KIRREL3: variants seen among roughly 807,000 people sequenced by gnomAD.
The protein encoded by KIRREL3 is kin of IRRE-like protein 3.
KIRREL3 carries 36 observed loss-of-function variants against 89.7 expected under a neutral mutation model. The observed-to-expected ratio is 0.40, with a 90% CI of 0.31 to 0.53. The LOEUF (loss-of-function observed/expected upper bound fraction) is 0.53. Ranked by LOEUF, KIRREL3 falls within the 20% of genes least tolerant of loss-of-function variation. KIRREL3 has a pLI of 0.49. For missense variants in KIRREL3, 864 were observed against 1,056.6 expected (o/e 0.82, Z 2.53); for synonymous variants, 445 against 441.4 (o/e 1.01, Z -0.10).
intron 1 of KIRREL3, among the ~76,000 whole-genome samples, chr11:126,582,200 G>A (rs1341262376): frequency 3.9e-5 from 6 of 152,154 alleles, no homozygotes; most frequent in Admixed American, 1.3e-4. Context: ...TCTCTCAAGC[G>A]AGGGGCATAC....
At chr11:127,000,840 A>T, upstream of KIRREL3, 1 of 447,470 alleles carries the variant, frequency 2.2e-6, no homozygotes. The surrounding 1 kb of genome is among the most constrained non-coding windows in gnomAD (Gnocchi z 7.1). Flanking sequence ...CGAGCTAGTG[A>T]CGAGTGACAG....
chr11:126,706,610 T>A (rs1947537249), intron 1 of KIRREL3, among the ~76,000 whole-genome samples: 1 of 152,250 alleles, frequency 6.6e-6, no homozygotes, highest in Admixed American at 6.5e-5. Flanking sequence ...ATGTGCCTGA[T>A]TCCCCACTTC....
At position 126,641,079 on chromosome 11, in the gene KIRREL3, C is replaced by T. The variant is rs752256403; in HGVS notation, c.56-78167G>A. Among the ~76,000 whole-genome samples the T allele has an allele frequency of 8.5e-5, 13 of 152,150 alleles. No homozygotes were observed. The highest frequency in any genetic ancestry group is 2.6e-4 in the Admixed American group (4 of 15,274). ...TTCTCCCACAGGCCTGCCCCTCTCA[C>T]GGTCTTCTTCATCTTTGAAGAAGAT... On this transcript the variant is annotated intron_variant, in intron 1 of 16. Coordinates refer to ENST00000525144, the MANE Select transcript of KIRREL3 (RefSeq NM_032531.4). This position sits in a 1 kb window ranked among gnomAD's most constrained non-coding sequence, Gnocchi z 5.0.
chr11:126,712,949 TGC>T (rs1947820231), intron 1 of KIRREL3, among the ~76,000 whole-genome samples: 5 of 152,226 alleles, frequency 3.3e-5, no homozygotes, highest in African/African-American at 1.2e-4. Flanking sequence ...AGGTATTAGG[TGC>T]TAGGTGTTAG....
At chr11:126,794,443 T>C (rs909141502) in intron 1 of KIRREL3, among the ~76,000 whole-genome samples, 2 of 152,224 alleles carry the variant, frequency 1.3e-5, no homozygotes, top group African/African-American at 4.8e-5. Flanking sequence ...GTTTTTCATA[T>C]AATCATTCTG....
At position 126,490,200 on chromosome 11, in the gene KIRREL3, T is replaced by G. The variant is rs1003594219; in HGVS notation, c.434-16734A>C. On this transcript the variant is annotated intron_variant, in intron 4 of 16. Coordinates refer to ENST00000525144, the MANE Select transcript of KIRREL3 (RefSeq NM_032531.4). This position sits in a 1 kb window ranked among gnomAD's most constrained non-coding sequence, Gnocchi z 4.2. ...TATTTGCATTTGGCTTTGGAATGCA[T>G]TGTGTGTGTGTGTGTGTGTGTGTGT... is the stretch of plus-strand genomic sequence containing the variant. Among the ~76,000 whole-genome samples the G allele has an allele frequency of 7.1e-6, 1 of 140,986 alleles. No homozygotes were observed. Among genetic ancestry groups the G allele is most frequent in the Non-Finnish European group, 1.5e-5 (1 of 66,218 alleles). The allele number at this position is 140,986 out of a possible 152,430, so 92.5% of individuals were successfully genotyped here.
intron 1 of KIRREL3, among the ~76,000 whole-genome samples, chr11:126,871,064 A>G (rs963704456): frequency 6.6e-6 from 1 of 152,162 alleles, no homozygotes; most frequent in African/African-American, 2.4e-5. Flanking sequence ...GCCTCTTTTG[A>G]TGAAAGGAGC....
chr11:126,691,467 C>T (rs1946875894), intron 1 of KIRREL3, among the ~76,000 whole-genome samples: 1 of 152,082 alleles, frequency 6.6e-6, no homozygotes, highest in Non-Finnish European at 1.5e-5. Context: ...AATGAATGAA[C>T]AATAGTCCCA....
intron 10 of KIRREL3, among the ~76,000 whole-genome samples, chr11:126,442,271 A>C (rs1214834899): frequency 5.9e-5 from 6 of 100,992 alleles, no homozygotes; most frequent in East Asian, 5.1e-4. Context: ...AAAAAAAAAA[A>C]ACAAAAAAAA....
In KIRREL3 at chr11:126,788,894, T is replaced by G. The variant is rs1014828940; in HGVS notation, c.55+211561A>C. Among the ~76,000 whole-genome samples the G allele has an allele frequency of 6.6e-6, 1 of 152,142 alleles. No homozygotes were observed. The highest frequency in any genetic ancestry group is 1.5e-5 in the Non-Finnish European group (1 of 68,024). ...GAAAATCAGCATTGTAAATAATCAT[T>G]ATTATCAAAGAGTGTCATGTATTAA... is the stretch of plus-strand genomic sequence containing the variant. On this transcript the variant is annotated intron_variant, in intron 1 of 16. Transcript: ENST00000525144. This position sits in a 1 kb window ranked among gnomAD's most constrained non-coding sequence, Gnocchi z 4.1.
chr11:126,559,973 G>A (rs1046064215), intron 2 of KIRREL3, among the ~76,000 whole-genome samples: 3 of 152,106 alleles, frequency 2.0e-5, no homozygotes, highest in East Asian at 1.9e-4. Context: ...ATGAGCCATC[G>A]TGCCTGGCTT....
At position 126,443,791 on chromosome 11, in the gene KIRREL3, G is replaced by A. The variant is rs1012593221; in HGVS notation, c.1252+1188C>T. 6.6e-6 allele frequency among the ~76,000 whole-genome samples: 1 copy of A among 152,148 alleles called. No individual in the cohort carries two copies. The highest frequency in any genetic ancestry group is 2.4e-5 in the African/African-American group (1 of 41,424). ...GACCTCAGGAGGGCCCTGCTCTGGG[G>A]CCAGGACCCAGATGTCCTGCAAATG... On this transcript the variant is annotated intron_variant, in intron 10 of 16. Transcript: ENST00000525144. The surrounding 1 kb of genome is among the most constrained non-coding windows in gnomAD (Gnocchi z 7.3).
chr11:126,728,200 G>C lies in KIRREL3; in HGVS notation c.56-165288C>G, dbSNP rs61348530. 6.6e-3 allele frequency among the ~76,000 whole-genome samples: 1,003 copies of C among 152,320 alleles called. 6 individuals carry two copies. The highest frequency in any genetic ancestry group is 0.023 in the African/African-American group (941 of 41,564). ...CCCCATGAAATAATTGGGACACCAG[G>C]AGGGGCAGGGTCAGAGGACCTCTAA... On this transcript the variant is annotated intron_variant, in intron 1 of 16. Transcript: ENST00000525144.
intron 1 of KIRREL3, among the ~76,000 whole-genome samples, chr11:126,720,749 G>C (rs1001703660): frequency 6.6e-6 from 1 of 152,216 alleles, no homozygotes; most frequent in African/African-American, 2.4e-5. Flanking sequence ...TCATGAGAGA[G>C]AAAGGAATTG....
At chr11:126,971,123 G>A (rs1057316428) in intron 1 of KIRREL3, among the ~76,000 whole-genome samples, 1 of 152,096 alleles carries the variant, frequency 6.6e-6, no homozygotes, top group Non-Finnish European at 1.5e-5. Context: ...GGTGGTTTTT[G>A]ACTATTTACG....
chr11:126,667,608 T>A (rs1945720687), intron 1 of KIRREL3, among the ~76,000 whole-genome samples: 2 of 152,118 alleles, frequency 1.3e-5, no homozygotes, highest in Non-Finnish European at 2.9e-5. Context: ...GACTCAGCAA[T>A]CAATTTATTC....
Position 126,521,276 on chromosome 11 carries a change from T to C in KIRREL3, c.433+39A>G. 6.7e-7 allele frequency: 1 copy of C among 1,485,592 alleles called. No homozygotes were observed. Among genetic ancestry groups the C allele is most frequent in the Middle Eastern group, 1.8e-4 (1 of 5,428 alleles). The allele number at this position is 1,485,592 out of a possible 1,614,324, so 92.0% of individuals were successfully genotyped here. A position where few individuals can be genotyped will look rare whatever the true frequency, so the allele number is the denominator to read the frequency against. ...CTCTTGGAGCTGAGCCCTTGGTGCTTCACGCAGTGTCCCAGCCCCGTGTGC... is the reference window on the plus strand; with the variant it reads ...CTCTTGGAGCTGAGCCCTTGGTGCTCCACGCAGTGTCCCAGCCCCGTGTGC... On this transcript the variant is annotated intron_variant, in intron 4 of 16. Coordinates refer to ENST00000525144, the MANE Select transcript of KIRREL3 (RefSeq NM_032531.4). This position sits in a 1 kb window ranked among gnomAD's most constrained non-coding sequence, Gnocchi z 4.1.
At chr11:126,481,625 T>C (rs78534023) in intron 4 of KIRREL3, among the ~76,000 whole-genome samples, 8,155 of 152,318 alleles carry the variant, frequency 0.054, 245 homozygotes, top group African/African-American at 0.078. Context: ...AGTCACCCTG[T>C]CTTGCCAACT....
At chr11:126,532,178 G>T (rs535380410) in intron 2 of KIRREL3, among the ~76,000 whole-genome samples, 2 of 152,250 alleles carry the variant, frequency 1.3e-5, no homozygotes, top group East Asian at 1.9e-4. Flanking sequence ...TCACAGAAAT[G>T]CAGGGACTTG....
Sources: allele counts gnomAD v4.1 joint callset (sites outside exome capture counted in the v4.1 genomes callset), GRCh38; gene constraint gnomAD v4.1.1; non-coding constraint Gnocchi (gnomAD v3.1); transcripts MANE v1.5; gene names NCBI Gene and HGNC (gene_info 2026-07-23, HGNC 2026-07-21).